WWOX: variants seen among roughly 807,000 people sequenced by gnomAD.
WWOX encodes the protein WW domain containing oxidoreductase.
In WWOX, 69 loss-of-function variants were observed where a neutral mutation model predicts 46.2. The observed-to-expected ratio is 1.49, with a 90% CI of 1.23 to 1.82. WWOX has a LOEUF of 1.82. WWOX is among the 40% of genes most tolerant of loss of function. The pLI, the probability that WWOX is intolerant of heterozygous loss-of-function variation, is 0.00. For synonymous variants in WWOX, 359 were observed against 202.6 expected, an observed-to-expected ratio of 1.77 and a Z score of -6.56; for missense variants, 919 against 542.6, an observed-to-expected ratio of 1.69 and a Z score of -6.89.
At chr16:78,244,461 G>T (rs957732348) in intron 5 of WWOX, among the ~76,000 whole-genome samples, 1 of 152,200 alleles carries the variant, frequency 6.6e-6, no homozygotes, top group Non-Finnish European at 1.5e-5. Flanking sequence ...ATCTGGAATA[G>T]GATTCCACCT....
intron 5 of WWOX, among the ~76,000 whole-genome samples, chr16:78,179,321 T>C (rs74973572): frequency 0.021 from 3,260 of 152,302 alleles, 111 homozygotes; most frequent in African/African-American, 0.075. Context: ...GAAAGAGTTA[T>C]GGATTAACAG....
chr16:78,395,308 C>T (rs538321580), intron 6 of WWOX, among the ~76,000 whole-genome samples: 1 of 152,260 alleles, frequency 6.6e-6, no homozygotes, highest in Admixed American at 6.5e-5. Context: ...TGCTTGAGTT[C>T]CGGAGTTTGA....
At chr16:78,556,370 A>G (rs1028637915) in intron 8 of WWOX, among the ~76,000 whole-genome samples, 1 of 152,076 alleles carries the variant, frequency 6.6e-6, no homozygotes, top group African/African-American at 2.4e-5. Context: ...GGCAAAGGGA[A>G]TTTTATCACC....
At chr16:78,944,968 C>G (rs2045921563) in intron 8 of WWOX, among the ~76,000 whole-genome samples, 2 of 152,130 alleles carry the variant, frequency 1.3e-5, no homozygotes, top group Admixed American at 6.5e-5. Context: ...CACTTGAGAT[C>G]AGGAGTTCAA....
intron 8 of WWOX, among the ~76,000 whole-genome samples, chr16:78,728,647 A>AC (rs1465026822): frequency 6.6e-6 from 1 of 152,208 alleles, no homozygotes; most frequent in Non-Finnish European, 1.5e-5. Flanking sequence ...GGTCTCAGAG[A>AC]CATCCCTGAG....
chr16:78,410,349 A>T (rs2082650745), intron 6 of WWOX, among the ~76,000 whole-genome samples: 1 of 152,184 alleles, frequency 6.6e-6, no homozygotes, highest in African/African-American at 2.4e-5. Flanking sequence ...GGTCTGCAGC[A>T]TGTCTTTTAC....
At chr16:79,125,150 G>C (rs938362514) in intron 8 of WWOX, among the ~76,000 whole-genome samples, 1 of 151,676 alleles carries the variant, frequency 6.6e-6, no homozygotes, top group Non-Finnish European at 1.5e-5. Flanking sequence ...AGAAATCCTG[G>C]AATTCAGAAT....
intron 8 of WWOX, among the ~76,000 whole-genome samples, chr16:78,509,918 T>C (rs1286225692): frequency 2.7e-5 from 2 of 74,294 alleles, no homozygotes; most frequent in Admixed American, 2.1e-4. Context: ...TGAGACCTCA[T>C]CTCTTTAAAA....
chr16:78,849,132 A>G (rs1025899265), intron 8 of WWOX, among the ~76,000 whole-genome samples: 12 of 152,176 alleles, frequency 7.9e-5, no homozygotes, highest in Admixed American at 2.0e-4. Flanking sequence ...GTAACTCAAC[A>G]TTAACTGTGT....
intron 5 of WWOX, among the ~76,000 whole-genome samples, chr16:78,211,930 A>T (rs911309965): frequency 6.6e-6 from 1 of 152,182 alleles, no homozygotes; most frequent in Non-Finnish European, 1.5e-5. Flanking sequence ...TTTGTTTTGG[A>T]CACTGGAGAT....
chr16:78,874,418 C>G (rs892202293), intron 8 of WWOX, among the ~76,000 whole-genome samples: 1 of 152,092 alleles, frequency 6.6e-6, no homozygotes, highest in Non-Finnish European at 1.5e-5. Context: ...AAGTCCCGCT[C>G]CCTTGGAATG....
intron 8 of WWOX, among the ~76,000 whole-genome samples, chr16:78,900,241 C>T (rs750515355): frequency 3.3e-5 from 5 of 151,908 alleles, no homozygotes; most frequent in Admixed American, 1.3e-4. Context: ...GTCTTTTCTC[C>T]TCCTGTTTTG....
At chr16:78,590,364 G>C (rs1158136974) in intron 8 of WWOX, among the ~76,000 whole-genome samples, 2 of 152,154 alleles carry the variant, frequency 1.3e-5, no homozygotes, top group East Asian at 1.9e-4. Context: ...GAATCTGAAA[G>C]TGTTATAGTA....
chr16:78,479,789 A>G (rs1271097054), intron 8 of WWOX, among the ~76,000 whole-genome samples: 1 of 152,186 alleles, frequency 6.6e-6, no homozygotes, highest in Admixed American at 6.5e-5. Flanking sequence ...GGAGTTTTCC[A>G]AGATAAGATT....
At chr16:78,430,574 C>G (rs561845277) in intron 7 of WWOX, among the ~76,000 whole-genome samples, 2 of 152,252 alleles carry the variant, frequency 1.3e-5, no homozygotes, top group South Asian at 4.1e-4. Context: ...CAGCAGTCAT[C>G]ACGACAACCA....
intron 5 of WWOX, among the ~76,000 whole-genome samples, chr16:78,300,386 G>T (rs2080018168): frequency 6.6e-6 from 1 of 152,134 alleles, no homozygotes; most frequent in South Asian, 2.1e-4. Context: ...GCGTGAAGTG[G>T]AGGCCGTTAC....
intron 8 of WWOX, among the ~76,000 whole-genome samples, chr16:78,722,968 G>T (rs919139902): frequency 5.3e-5 from 8 of 152,112 alleles, no homozygotes; most frequent in African/African-American, 1.9e-4. Context: ...CTTGAGCCCA[G>T]GAGTTAGAGG....
chr16:79,172,967 A>G (rs1166546833), intron 8 of WWOX, among the ~76,000 whole-genome samples: 3 of 152,144 alleles, frequency 2.0e-5, no homozygotes, highest in Non-Finnish European at 1.5e-5. Flanking sequence ...GCTGCAGTGA[A>G]CCATGATGGT....
At chr16:79,033,549 A>G (rs2047807335) in intron 8 of WWOX, among the ~76,000 whole-genome samples, 2 of 152,240 alleles carry the variant, frequency 1.3e-5, no homozygotes, top group Middle Eastern at 6.8e-3. Flanking sequence ...TCACTACCAC[A>G]TGCGTAGCCA....
Sources: allele counts gnomAD v4.1 joint callset (sites outside exome capture counted in the v4.1 genomes callset), GRCh38; gene constraint gnomAD v4.1.1; transcripts MANE v1.5; gene names NCBI Gene and HGNC (gene_info 2026-07-23, HGNC 2026-07-21).